The following GNAO1 variants were observed in gnomAD, a reference collection of about 807,000 sequenced individuals.
The protein encoded by GNAO1 is G protein subunit alpha o1, also known as guanine nucleotide-binding protein G(o) subunit alpha.
For synonymous variants in GNAO1, 164 were observed against 180.7 expected, an observed-to-expected ratio of 0.91 and a Z score of 0.74; for missense variants, 166 against 478.7, an observed-to-expected ratio of 0.35 and a Z score of 6.10.
intron 2 of GNAO1, among the ~76,000 whole-genome samples, chr16:56,231,639 C>T (rs536982742): frequency 1.3e-5 from 2 of 152,262 alleles, no homozygotes; most frequent in African/African-American, 4.8e-5. Flanking sequence ...AGAGAATGAG[C>T]ACCCTTTTCT....
intron 2 of GNAO1, among the ~76,000 whole-genome samples, chr16:56,244,745 A>G (rs2036726860): frequency 6.6e-6 from 1 of 152,138 alleles, no homozygotes; most frequent in Non-Finnish European, 1.5e-5. Flanking sequence ...GCTAAGGTGG[A>G]TGTGCAGAGT....
intron 2 of GNAO1, among the ~76,000 whole-genome samples, chr16:56,251,676 A>G (rs1285005796): frequency 2.6e-5 from 4 of 152,088 alleles, no homozygotes; most frequent in Admixed American, 6.5e-5. Flanking sequence ...CCCCTTGCCT[A>G]TGCTCAAACC....
At chr16:56,310,813 G>C (rs2037450178) in intron 3 of GNAO1, among the ~76,000 whole-genome samples, 1 of 152,116 alleles carries the variant, frequency 6.6e-6, no homozygotes, top group Admixed American at 6.5e-5. Flanking sequence ...CTACTAGTCT[G>C]GGGCAGGTGT....
chr16:56,274,420 A>G (rs2143517311), intron 2 of GNAO1, among the ~76,000 whole-genome samples: 1 of 152,344 alleles, frequency 6.6e-6, no homozygotes, highest in Non-Finnish European at 1.5e-5. Flanking sequence ...AAGTCGACAG[A>G]AAGTTAATAG....
chr16:56,289,040 G>A (rs980615082), intron 3 of GNAO1, among the ~76,000 whole-genome samples: 10 of 152,102 alleles, frequency 6.6e-5, no homozygotes, highest in Admixed American at 2.0e-4. Flanking sequence ...AAAAGGGGGG[G>A]GGAGCGGAAA....
At chr16:56,284,093 A>G (rs1175325174) in intron 3 of GNAO1, among the ~76,000 whole-genome samples, 1 of 152,208 alleles carries the variant, frequency 6.6e-6, no homozygotes, top group Non-Finnish European at 1.5e-5. Context: ...TGGTCAATCA[A>G]TCATTCCACA....
chr16:56,307,609 T>A (rs1340055578), intron 3 of GNAO1: 1 of 152,234 alleles, frequency 6.6e-6, no homozygotes, highest in Non-Finnish European at 1.5e-5. Flanking sequence ...CATTTACGGT[T>A]GAGGAAACTG....
In GNAO1 at chr16:56,351,254, G is replaced by A; in HGVS notation, c.724-130G>A. The A allele has an allele frequency of 1.6e-6, 1 of 630,006 alleles. No individual in the cohort carries two copies. The highest frequency in any genetic ancestry group is 1.9e-5 in the South Asian group (1 of 52,318). The allele number at this position is 630,006 out of a possible 1,614,324, so 39.0% of individuals were successfully genotyped here. A position where few individuals can be genotyped will look rare whatever the true frequency, so the allele number is the denominator to read the frequency against. On this transcript the variant is annotated intron_variant, in intron 6 of 8. Transcript: ENST00000262493. The surrounding 1 kb of genome is among the most constrained non-coding windows in gnomAD (Gnocchi z 6.1). ...GGTGTAACTGACTCAGGTTCCATCTGGCAGCCTCTCGGAGGAGCTGCCGAG... is the reference window on the plus strand; with the variant it reads ...GGTGTAACTGACTCAGGTTCCATCTAGCAGCCTCTCGGAGGAGCTGCCGAG...
chr16:56,343,399 A>C (rs1337473617), intron 6 of GNAO1, among the ~76,000 whole-genome samples: 1 of 150,458 alleles, frequency 6.6e-6, no homozygotes, highest in Non-Finnish European at 1.5e-5. Context: ...AGAGAGTATT[A>C]GTCACTTGAG....
chr16:56,292,692 T>G (rs1417858058), intron 3 of GNAO1, among the ~76,000 whole-genome samples: 1 of 152,214 alleles, frequency 6.6e-6, no homozygotes, highest in Non-Finnish European at 1.5e-5. Flanking sequence ...AGCTGTTCGC[T>G]GTCTTCCTAC....
intron 3 of GNAO1, among the ~76,000 whole-genome samples, chr16:56,295,772 C>G (rs1331728935): frequency 6.6e-6 from 1 of 152,238 alleles, no homozygotes; most frequent in Non-Finnish European, 1.5e-5. Context: ...CCTCTTCCTC[C>G]CAATATTCCA....
At chr16:56,355,755 T>A (rs1239243099) in intron 8 of GNAO1, 1 of 152,264 alleles carries the variant, frequency 6.6e-6, no homozygotes, top group African/African-American at 2.4e-5. Flanking sequence ...ACAGGGAGAC[T>A]TGGTCTGCTT....
In GNAO1 at chr16:56,345,157, C is replaced by T. The variant is rs575442344; in HGVS notation, c.724-6227C>T. 2.3e-5 allele frequency: 23 copies of T among 985,888 alleles called. No individual in the cohort carries two copies. In the South Asian group the frequency reaches 7.0e-4, roughly 30 times the overall value. 61.1% of individuals were successfully genotyped at this position (985,888 alleles called of 1,614,324 possible). The stretch of plus-strand genomic sequence containing the variant: ...GGGGCGGGGTAGCTTCTCCCGGTGA[C>T]GGTGACGCAGGTCTGGCTGGCCTTG... On this transcript the variant is annotated intron_variant, in intron 6 of 8. Coordinates refer to ENST00000262493, the MANE Select transcript of GNAO1 (RefSeq NM_020988.3).
intron 5 of GNAO1, among the ~76,000 whole-genome samples, chr16:56,335,077 G>A (rs1374881168): frequency 6.6e-6 from 1 of 152,218 alleles, no homozygotes; most frequent in East Asian, 1.9e-4. Flanking sequence ...TCCCAGAGTG[G>A]GGCTGTGAGG....
At chr16:56,204,052 T>C (rs1186920995) in intron 2 of GNAO1, among the ~76,000 whole-genome samples, 1 of 152,010 alleles carries the variant, frequency 6.6e-6, no homozygotes, top group African/African-American at 2.4e-5. Context: ...GGAAAGGCAA[T>C]GAGAAGTTGG....
At position 56,326,201 on chromosome 16, in the gene GNAO1, C is replaced by T. The variant is rs1289819818; in HGVS notation, c.304-2430C>T. Among the ~76,000 whole-genome samples, 1 of 152,176 alleles carries T rather than the reference C, an allele frequency of 6.6e-6. No homozygotes were observed. The highest frequency in any genetic ancestry group is 2.1e-4 in the South Asian group (1 of 4,826). ...CACTCTGCTGGTGCACACCCTGAGGCGTGGTGCCCCAGGCGGGCAGTAGTC... is the reference window on the plus strand; with the variant it reads ...CACTCTGCTGGTGCACACCCTGAGGTGTGGTGCCCCAGGCGGGCAGTAGTC... On this transcript the variant is annotated intron_variant, in intron 3 of 8. Coordinates refer to ENST00000262493, the MANE Select transcript of GNAO1 (RefSeq NM_020988.3). The surrounding 1 kb of genome is among the most constrained non-coding windows in gnomAD (Gnocchi z 4.8).
rs778760648 is a variant in GNAO1, at chr16:56,308,797, G to A, written c.304-19834G>A. Among the ~76,000 whole-genome samples, 9 of 152,114 alleles carry A rather than the reference G, an allele frequency of 5.9e-5. 1 individual carries two copies. The highest frequency in any genetic ancestry group is 6.5e-5 in the Admixed American group (1 of 15,268). On this transcript the variant is annotated intron_variant, in intron 3 of 8. Transcript: ENST00000262493. ...GTGGGCGTGATGGAGAGGGCACTGC[G>A]AGCCCTCATGGAGTGGAGAGGGAGG...
At chr16:56,245,514 T>C (rs2036735344) in intron 2 of GNAO1, 1 of 154,816 alleles carries the variant, frequency 6.5e-6, no homozygotes, top group African/African-American at 2.4e-5. Context: ...TGAAAGAAGC[T>C]GATGTGGATG....
intron 3 of GNAO1, chr16:56,307,933 G>C (rs2037413815): frequency 6.6e-6 from 1 of 152,266 alleles, no homozygotes; most frequent in Non-Finnish European, 1.5e-5. Flanking sequence ...TTCCACTGTG[G>C]CGCCATTGAA....
Sources: gnomAD v4.1 joint callset for allele counts (sites outside exome capture counted in the v4.1 genomes callset) on GRCh38, gnomAD v4.1.1 for gene constraint, Gnocchi (gnomAD v3.1) non-coding constraint, MANE v1.5 for transcripts, NCBI Gene and HGNC (gene_info 2026-07-23, HGNC 2026-07-21) for gene names.